FHIT: variants seen among roughly 807,000 people sequenced by gnomAD.
FHIT encodes the protein bis(5'-adenosyl)-triphosphatase.
FHIT carries 19 observed loss-of-function variants against 17.9 expected under a neutral mutation model. That is an observed-to-expected ratio of 1.06 (90% CI 0.74 to 1.56). The LOEUF (loss-of-function observed/expected upper bound fraction) is 1.56. Among genes scored for constraint, FHIT ranks in the 40% most tolerant of loss-of-function variants. The probability of loss-of-function intolerance (pLI) is 0.00; values close to 1 mark genes in which losing one functional copy is unlikely to be tolerated. For synonymous variants in FHIT, 81 were observed against 69.7 expected, an observed-to-expected ratio of 1.16 and a Z score of -0.81; for missense variants, 248 against 189.2, an observed-to-expected ratio of 1.31 and a Z score of -1.82.
At chr3:60,707,476 A>G (rs2041403392) in intron 4 of FHIT, among the ~76,000 whole-genome samples, 2 of 152,226 alleles carry the variant, frequency 1.3e-5, no homozygotes, top group Non-Finnish European at 2.9e-5. Context: ...AACTAGGTGG[A>G]ATTTTCATGG....
chr3:59,869,963 G>C (rs1028850666), intron 8 of FHIT, among the ~76,000 whole-genome samples: 1 of 152,010 alleles, frequency 6.6e-6, no homozygotes, highest in East Asian at 1.9e-4. Flanking sequence ...ATTTTTAGCT[G>C]CTACTTATTG....
chr3:60,713,745 T>C (rs2107943321), intron 4 of FHIT, among the ~76,000 whole-genome samples: 1 of 152,276 alleles, frequency 6.6e-6, no homozygotes, highest in Non-Finnish European at 1.5e-5. Context: ...AGAAGTTGAA[T>C]CTCTGAATAG....
At chr3:60,354,793 G>T (rs1050314236) in intron 5 of FHIT, among the ~76,000 whole-genome samples, 2 of 152,044 alleles carry the variant, frequency 1.3e-5, no homozygotes, top group South Asian at 4.1e-4. Context: ...ATTATCTTAG[G>T]GAATCAGTAG....
intron 8 of FHIT, among the ~76,000 whole-genome samples, chr3:59,903,745 A>G (rs1318446581): frequency 6.6e-6 from 1 of 152,158 alleles, no homozygotes; most frequent in South Asian, 2.1e-4. Flanking sequence ...TGAAAGTGAA[A>G]AGGTGGGAAT....
intron 5 of FHIT, among the ~76,000 whole-genome samples, chr3:60,352,449 T>C (rs1041196195): frequency 2.0e-5 from 3 of 152,324 alleles, no homozygotes; most frequent in Middle Eastern, 3.4e-3. Flanking sequence ...AGCATGTGTA[T>C]ATTAACTCAT....
chr3:60,371,742 A>T (rs1700338912), intron 5 of FHIT, among the ~76,000 whole-genome samples: 1 of 152,058 alleles, frequency 6.6e-6, no homozygotes, highest in African/African-American at 2.4e-5. Context: ...AATTGATTTT[A>T]TGGTCATTTG....
intron 5 of FHIT, among the ~76,000 whole-genome samples, chr3:60,284,948 G>A (rs148196810): frequency 6.8e-4 from 103 of 152,208 alleles, no homozygotes; most frequent in African/African-American, 2.4e-3. Flanking sequence ...TACCACCACT[G>A]TCAAGTTATA....
At chr3:60,062,054 ATTCT>A (rs1190282184) in intron 5 of FHIT, among the ~76,000 whole-genome samples, 1 of 152,198 alleles carries the variant, frequency 6.6e-6, no homozygotes, top group Admixed American at 6.5e-5. Context: ...AAGAAATGAA[ATTCT>A]TTCTAACATC....
At chr3:61,126,187 TCTAC>T (rs2036600779) in intron 2 of FHIT, among the ~76,000 whole-genome samples, 1 of 152,056 alleles carries the variant, frequency 6.6e-6, no homozygotes, top group Non-Finnish European at 1.5e-5. Context: ...TTATCAGGCA[TCTAC>T]TTGAGCCAGA....
At chr3:60,528,421 GAAAGGAAGGAAGGAAA>G (rs147407594) in intron 5 of FHIT, among the ~76,000 whole-genome samples, 11,260 of 151,732 alleles carry the variant, frequency 0.074, 900 homozygotes, top group African/African-American at 0.17. Context: ...AAAAGGAAAA[GAAAGGAAGGAAGGAAA>G]AAAGGAAGGA....
chr3:59,772,132 G>A (rs569168981), intron 8 of FHIT, among the ~76,000 whole-genome samples: 10 of 152,304 alleles, frequency 6.6e-5, no homozygotes, highest in East Asian at 1.9e-4. Flanking sequence ...CACTGAGGGG[G>A]AGCTCTGCTG....
chr3:60,045,430 A>G (rs1186821830), intron 5 of FHIT, among the ~76,000 whole-genome samples: 2 of 151,994 alleles, frequency 1.3e-5, no homozygotes, highest in African/African-American at 4.8e-5. Flanking sequence ...CCCTTACAAA[A>G]CCATCAGATC....
chr3:59,775,465 A>C (rs1006872581), intron 8 of FHIT, among the ~76,000 whole-genome samples: 5 of 152,178 alleles, frequency 3.3e-5, no homozygotes, highest in African/African-American at 1.2e-4. Context: ...CGCACCACTC[A>C]AACACACAAT....
chr3:61,239,762 C>CATATATATATATATATATATAT (rs72107416), intron 1 of FHIT, among the ~76,000 whole-genome samples: 4,804 of 107,088 alleles, frequency 0.045, 260 homozygotes, highest in East Asian at 0.11. Context: ...AACAACTGGC[C>CATATATATATATATATATATAT]ATATATATAT....
At chr3:60,900,363 T>A (rs1485497488) in intron 3 of FHIT, among the ~76,000 whole-genome samples, 2 of 151,976 alleles carry the variant, frequency 1.3e-5, no homozygotes, top group Admixed American at 1.3e-4. Flanking sequence ...AGTTTGAGGC[T>A]ATAGTGCACT....
At chr3:59,791,959 G>A (rs2629879) in intron 8 of FHIT, among the ~76,000 whole-genome samples, 101,343 of 148,016 alleles carry the variant, frequency 0.68, 36,186 homozygotes, top group Middle Eastern at 0.81. Flanking sequence ...TGCAGCCCCA[G>A]AATGGATTTC....
chr3:60,940,220 T>A (rs193216846), intron 3 of FHIT, among the ~76,000 whole-genome samples: 258 of 152,246 alleles, frequency 1.7e-3, no homozygotes, highest in Non-Finnish European at 3.0e-3. Flanking sequence ...GGTTTTAAAA[T>A]AAATGGTTCT....
rs538297488 is a variant in FHIT at position 60,328,693 on chromosome 3, C to A, written c.103+208167G>T. Among the ~76,000 whole-genome samples, 12 of 152,280 alleles carry A rather than the reference C, an allele frequency of 7.9e-5. No homozygotes were observed. In the East Asian group the frequency reaches 1.9e-3, roughly 24 times the overall value. On this transcript the variant is annotated intron_variant, in intron 5 of 9. Coordinates refer to ENST00000492590, the MANE Select transcript of FHIT (RefSeq NM_002012.4). ...AAATGAAAACTTCAGATTCCATACA[C>A]TTGACATAGATTACATAAAAGACCA... is the stretch of plus-strand genomic sequence containing the variant.
chr3:60,286,166 T>C lies in FHIT; in HGVS notation c.103+250694A>G, dbSNP rs1036468586. 6.6e-5 allele frequency among the ~76,000 whole-genome samples: 10 copies of C among 152,188 alleles called. No homozygotes were observed. The South Asian group carries it at 1.9e-3, about 28-fold the overall frequency. On this transcript the variant is annotated intron_variant, in intron 5 of 9. Coordinates refer to ENST00000492590, the MANE Select transcript of FHIT (RefSeq NM_002012.4). ...GAAGGAAGAGAAAACAGACTCCACC[T>C]CCTGATAGTGTATGACAAGAATCTG...
Sources: gnomAD v4.1 joint callset for allele counts (sites outside exome capture counted in the v4.1 genomes callset) on GRCh38, gnomAD v4.1.1 for gene constraint, MANE v1.5 for transcripts, NCBI Gene and HGNC (gene_info 2026-07-23, HGNC 2026-07-21) for gene names.